Variants in PCDH19 observed in about 807,000 individuals in gnomAD.
PCDH19 encodes protocadherin-19.
A neutral mutation model predicts 46.2 loss-of-function variants in PCDH19; 6 were observed. The observed-to-expected ratio is 0.13, with a 90% CI of 0.07 to 0.26. The LOEUF (loss-of-function observed/expected upper bound fraction) is 0.26, where lower values mean the gene tolerates loss of function less well. Ranked by LOEUF, PCDH19 falls within the 10% of genes least tolerant of loss-of-function variation. The pLI is 1.00. For missense variants in PCDH19, 740 were observed against 972.3 expected (o/e 0.76, Z 3.18); for synonymous variants, 481 against 415.7 (o/e 1.16, Z -1.91).
At chrX:100,370,189 A>T (rs1158230404) in intron 3 of PCDH19, among the ~76,000 whole-genome samples, 1 of 112,322 alleles carries the variant, frequency 8.9e-6, no homozygotes, top group African/African-American at 3.2e-5. Flanking sequence ...TGTAGAGGGA[A>T]ATTTGGGGAC....
chrX:100,348,376 C>T (rs761877838), intron 4 of PCDH19, among the ~76,000 whole-genome samples: 7 of 49,812 alleles, frequency 1.4e-4, no homozygotes, highest in Non-Finnish European at 2.6e-4. Context: ...CACAGTTGGT[C>T]CCCAGAACAG....
In PCDH19 at chrX:100,409,895, C is replaced by G. The variant is rs2147545232; in HGVS notation, c.-1298G>C. On this transcript the variant is annotated 5_prime_UTR_variant, in exon 1 of 6. Transcript: ENST00000373034. ...TGGCCGCGCTGCGTTGGGCTCCCTT[C>G]CTCCCGGGCGCTCGCGCACTCGGGA... The G allele has an allele frequency of 3.2e-6, 1 of 314,428 alleles. No homozygotes were observed. The highest frequency in any genetic ancestry group is 5.0e-5 in the East Asian group (1 of 19,943). The allele number at this position is 314,428 out of a possible 1,213,427, so 25.9% of individuals were successfully genotyped here.
intron 5 of PCDH19, among the ~76,000 whole-genome samples, chrX:100,301,511 G>C (rs1311396028): frequency 8.9e-6 from 1 of 112,048 alleles, no homozygotes; most frequent in Non-Finnish European, 1.9e-5. Flanking sequence ...TCAAGTAGTT[G>C]GCTACTTCTA....
intron 1 of PCDH19, among the ~76,000 whole-genome samples, chrX:100,405,566 C>A (rs1180933965): frequency 3.1e-5 from 3 of 97,134 alleles, no homozygotes; most frequent in African/African-American, 1.2e-4. Flanking sequence ...TCTCCCTCCC[C>A]CCCCCATACA....
At chrX:100,299,438 T>C (rs920059777) in intron 5 of PCDH19, among the ~76,000 whole-genome samples, 1 of 111,172 alleles carries the variant, frequency 9.0e-6, no homozygotes, top group Non-Finnish European at 1.9e-5. Context: ...AATAGGAGAA[T>C]ACCACCCATG....
chrX:100,343,623 G>A (rs1003839416), intron 4 of PCDH19, among the ~76,000 whole-genome samples: 1 of 111,907 alleles, frequency 8.9e-6, no homozygotes, highest in Non-Finnish European at 1.9e-5. Flanking sequence ...TACTTTGTAT[G>A]TCCTGACAGA....
intron 5 of PCDH19, among the ~76,000 whole-genome samples, chrX:100,322,863 A>ATTTTTTTTTTT (rs1358059816): frequency 4.0e-4 from 16 of 40,112 alleles, no homozygotes; most frequent in South Asian, 8.4e-4. Context: ...ATATATATAT[A>ATTTTTTTTTTT]TATTTTTGCA....
At chrX:100,383,822 C>A (rs917641912) in intron 3 of PCDH19, among the ~76,000 whole-genome samples, 2 of 111,435 alleles carry the variant, frequency 1.8e-5, no homozygotes, top group Non-Finnish European at 3.8e-5. Flanking sequence ...CTATTAAAAT[C>A]TATTATAAAG....
chrX:100,361,701 T>A lies in PCDH19; in HGVS notation c.2617-10997A>T, dbSNP rs189475557. 6.2e-4 allele frequency among the ~76,000 whole-genome samples: 69 copies of A among 111,271 alleles called. 1 individual carries two copies. In the Middle Eastern group the frequency reaches 0.023, roughly 38 times the overall value. On this transcript the variant is annotated intron_variant, in intron 3 of 5. Transcript: ENST00000373034. ...CCTGTTAACGGCATTACAGAAGAGG[T>A]CAAGAGACTTGCCCTCTACTACATA...
At chrX:100,369,949 T>C in intron 3 of PCDH19, among the ~76,000 whole-genome samples, 1 of 111,660 alleles carries the variant, frequency 9.0e-6, no homozygotes, top group Non-Finnish European at 1.9e-5. Flanking sequence ...TCAACGTGAT[T>C]CCCTCATAAC....
chrX:100,334,702 A>G (rs1211328630), intron 5 of PCDH19, among the ~76,000 whole-genome samples: 1 of 109,678 alleles, frequency 9.1e-6, no homozygotes, highest in Non-Finnish European at 1.9e-5. Flanking sequence ...CTACTTGTCA[A>G]TCACTCTTTT....
intron 3 of PCDH19, among the ~76,000 whole-genome samples, chrX:100,355,692 T>G (rs1285571416): frequency 8.9e-6 from 1 of 111,759 alleles, no homozygotes; most frequent in African/African-American, 3.3e-5. Context: ...TGTGTTTGTT[T>G]GTTAGCTGCT....
At chrX:100,310,889 T>C (rs1306785381) in intron 5 of PCDH19, among the ~76,000 whole-genome samples, 1 of 109,820 alleles carries the variant, frequency 9.1e-6, no homozygotes, top group Non-Finnish European at 1.9e-5. Flanking sequence ...ATCTCACTCT[T>C]GCCCAAGCTG....
intron 3 of PCDH19, among the ~76,000 whole-genome samples, chrX:100,359,315 C>G (rs1173365485): frequency 2.7e-5 from 3 of 111,571 alleles, no homozygotes; most frequent in Admixed American, 1.9e-4. Flanking sequence ...GGACTATAGT[C>G]CAGCAGTTAG....
rs1356053387 is a variant in PCDH19 at position 100,407,137 on chromosome X, A to G, written c.1461T>C (p.Ser487=). 1 of 1,210,483 alleles carries G rather than the reference A, an allele frequency of 8.3e-7. No homozygotes were observed. The highest frequency in any genetic ancestry group is 1.7e-5 in the African/African-American group (1 of 57,283). ...ARDPDLGLNG[S]VSYQIVPSQV... The stretch of plus-strand genomic sequence containing the variant: ...GCGACGGCACGATCTGGTAGGAGAC[A>G]CTGCCGTTGAGACCCAGGTCGGGGT... The change falls in exon 1 of 6, where the codon AGT becomes AGC. Residue 487 remains serine, a synonymous_variant. Transcript: ENST00000373034.
chrX:100,394,824 A>G (rs914993954), intron 3 of PCDH19, among the ~76,000 whole-genome samples: 42 of 111,676 alleles, frequency 3.8e-4, no homozygotes, highest in Admixed American at 1.6e-3. Flanking sequence ...CAATCAAGGG[A>G]AAAATGAATT....
At chrX:100,338,121 A>G (rs1455550053) in intron 5 of PCDH19, among the ~76,000 whole-genome samples, 1 of 110,570 alleles carries the variant, frequency 9.0e-6, no homozygotes, top group Non-Finnish European at 1.9e-5. Context: ...CAGGTGGATC[A>G]CTTTAGGTCA....
Position 100,295,932 on chromosome X carries a change from C to A in PCDH19, c.*345G>T, listed in dbSNP as rs948516607. 2 of 188,132 alleles carry A rather than the reference C, an allele frequency of 1.1e-5. No homozygotes were observed. The highest frequency in any genetic ancestry group is 6.0e-5 in the African/African-American group (2 of 33,168). 15.5% of individuals were successfully genotyped at this position (188,132 alleles called of 1,213,427 possible). On this transcript the variant is annotated 3_prime_UTR_variant, in exon 6 of 6. Transcript: ENST00000373034. ...ACTTTTTGCTTTTTTAAATGTAATCCTCCACAAACAATGGTAATTTATATT... is the reference window on the plus strand; with the variant it reads ...ACTTTTTGCTTTTTTAAATGTAATCATCCACAAACAATGGTAATTTATATT...
intron 3 of PCDH19, among the ~76,000 whole-genome samples, chrX:100,401,228 G>A (rs1459914467): frequency 1.8e-5 from 2 of 112,088 alleles, no homozygotes; most frequent in Non-Finnish European, 3.8e-5. Context: ...ATGGAAAAAT[G>A]AAATCAACTT....
Sources: gnomAD v4.1 joint callset for allele counts (sites outside exome capture counted in the v4.1 genomes callset) on GRCh38, gnomAD v4.1.1 for gene constraint, MANE v1.5 for transcripts, NCBI Gene and HGNC (gene_info 2026-07-23, HGNC 2026-07-21) for gene names.